APBA1: variants seen among roughly 807,000 people sequenced by gnomAD.
APBA1 encodes amyloid-beta A4 precursor protein-binding family A member 1.
Under a neutral mutation model 86.6 loss-of-function variants are expected in APBA1, and 55 were observed. That is an observed-to-expected ratio of 0.64 (90% confidence interval 0.51 to 0.80). APBA1 has a LOEUF of 0.80. Ranked by LOEUF, APBA1 falls within the 30% of genes least tolerant of loss-of-function variation. APBA1 has a pLI of 0.00. For missense variants in APBA1, 1,090 were observed against 1,183.0 expected (o/e 0.92, Z 1.15); for synonymous variants, 511 against 493.9 (o/e 1.03, Z -0.46).
At chr9:69,631,435 C>G (rs573010736) in intron 1 of APBA1, among the ~76,000 whole-genome samples, 302 of 152,248 alleles carry the variant, frequency 2.0e-3, no homozygotes, top group South Asian at 4.2e-3. Context: ...TGGAGAAATA[C>G]GAACACTTTT....
In APBA1 at chr9:69,647,124, C is replaced by T. The variant is rs1823407423; in HGVS notation, c.-70+25029G>A. On this transcript the variant is annotated intron_variant, in intron 1 of 12. Transcript: ENST00000265381. ...TGCCTTAATAACAGCAATATAAAAC[C>T]TCGATTATCTAATAAAATATCCCAG... Among the ~76,000 whole-genome samples the T allele has an allele frequency of 1.3e-5, 2 of 152,142 alleles. 1 individual carries two copies. Among genetic ancestry groups the T allele is most frequent in the Non-Finnish European group, 2.9e-5 (2 of 68,034 alleles).
chr9:69,489,711 A>G (rs1390212456), intron 2 of APBA1, among the ~76,000 whole-genome samples: 1 of 152,126 alleles, frequency 6.6e-6, no homozygotes, highest in Non-Finnish European at 1.5e-5. Context: ...GCAGCCAAAA[A>G]ACACATGAAA....
At chr9:69,433,228 G>A (rs1834636142) in intron 11 of APBA1, among the ~76,000 whole-genome samples, 1 of 152,178 alleles carries the variant, frequency 6.6e-6, no homozygotes, top group South Asian at 2.1e-4. Context: ...CCACAGAAAA[G>A]ACAGTGAGGC....
At chr9:69,449,511 T>C in intron 10 of APBA1, 73 bp downstream of exon 10, 2 of 1,346,214 alleles carry the variant, frequency 1.5e-6, no homozygotes. Flanking sequence ...TATACATTAA[T>C]GACTGGATGG....
intron 1 of APBA1, among the ~76,000 whole-genome samples, chr9:69,531,031 TTATC>T (rs1414173948): frequency 2.6e-5 from 4 of 152,148 alleles, no homozygotes; most frequent in Admixed American, 2.6e-4. Flanking sequence ...TTTTAATATT[TTATC>T]TAATATATTC....
At position 69,467,971 on chromosome 9, in the gene APBA1, G is replaced by GT; in HGVS notation, c.1337-4dup. 1 of 1,613,886 alleles carries GT rather than the reference G, an allele frequency of 6.2e-7. No homozygotes were observed. Among genetic ancestry groups the GT allele is most frequent in the Admixed American group, 1.7e-5 (1 of 60,012 alleles). ...TTCGGGGTCGCAGGGTCCCGGAACT[G>GT]TAACACATAGAGCCACAGTGAGGAA... is the stretch of plus-strand genomic sequence containing the variant. On this transcript the variant is annotated splice_region_variant and splice_polypyrimidine_tract_variant and intron_variant, in intron 4 of 12. Transcript: ENST00000265381.
At chr9:69,581,925 C>T (rs1375603158) in intron 1 of APBA1, among the ~76,000 whole-genome samples, 1 of 152,050 alleles carries the variant, frequency 6.6e-6, no homozygotes, top group African/African-American at 2.4e-5. Flanking sequence ...GACCACAGCC[C>T]AGTATGGTCT....
intron 5 of APBA1, among the ~76,000 whole-genome samples, chr9:69,466,611 C>G (rs1835284499): frequency 6.6e-6 from 1 of 152,218 alleles, no homozygotes; most frequent in Non-Finnish European, 1.5e-5. Context: ...ATTCATACTG[C>G]TGAGCTTGAG....
At chr9:69,648,120 G>A (rs572205028) in intron 1 of APBA1, among the ~76,000 whole-genome samples, 1 of 152,304 alleles carries the variant, frequency 6.6e-6, no homozygotes, top group African/African-American at 2.4e-5. Context: ...AGGAAGTGAA[G>A]AGCGTGGTTA....
intron 1 of APBA1, among the ~76,000 whole-genome samples, chr9:69,575,434 T>C (rs1402233828): frequency 6.6e-6 from 1 of 152,138 alleles, no homozygotes; most frequent in Non-Finnish European, 1.5e-5. Context: ...GCTGGAGGCG[T>C]CACGCTACCT....
At chr9:69,500,616 C>T (rs1387521722) in intron 2 of APBA1, among the ~76,000 whole-genome samples, 1 of 152,062 alleles carries the variant, frequency 6.6e-6, no homozygotes, top group African/African-American at 2.4e-5. Context: ...GGTTAACTCA[C>T]GCAAGAAAAG....
At chr9:69,641,537 C>G (rs1823286565) in intron 1 of APBA1, among the ~76,000 whole-genome samples, 1 of 152,090 alleles carries the variant, frequency 6.6e-6, no homozygotes, top group Non-Finnish European at 1.5e-5. Flanking sequence ...GATATTAACA[C>G]AGGATAGACA....
At chr9:69,533,997 T>C (rs1836470467) in intron 1 of APBA1, among the ~76,000 whole-genome samples, 1 of 152,182 alleles carries the variant, frequency 6.6e-6, no homozygotes. Context: ...GACATCCAAT[T>C]ATAGAAGAAA....
At chr9:69,482,602 A>G (rs1215252029) in intron 2 of APBA1, among the ~76,000 whole-genome samples, 1 of 151,060 alleles carries the variant, frequency 6.6e-6, no homozygotes, top group Non-Finnish European at 1.5e-5. Flanking sequence ...ATACCATTTG[A>G]CCCAGCCATC....
At position 69,428,146 on chromosome 9, in the gene APBA1, A is replaced by AC. The variant is rs1834520679; in HGVS notation, c.*3180dup. 1 of 152,032 alleles carries AC rather than the reference A, an allele frequency of 6.6e-6. No homozygotes were observed. Among genetic ancestry groups the AC allele is most frequent in the South Asian group, 2.1e-4 (1 of 4,806 alleles). 9.4% of individuals were successfully genotyped at this position (152,032 alleles called of 1,614,324 possible). On this transcript the variant is annotated 3_prime_UTR_variant, in exon 13 of 13. Transcript: ENST00000265381. ...AACGGCTACACCACTGGGTCGAGGGACCCGGGAAGGGCTCTGTAGATGGTT... is the reference window on the plus strand; with the variant it reads ...AACGGCTACACCACTGGGTCGAGGGACCCCGGGAAGGGCTCTGTAGATGGTT...
intron 9 of APBA1, among the ~76,000 whole-genome samples, chr9:69,451,218 AG>A (rs1379548206): frequency 6.6e-6 from 1 of 152,134 alleles, no homozygotes; most frequent in African/African-American, 2.4e-5. Context: ...CTCATGTCCA[AG>A]GGACCACACC....
chr9:69,502,412 TTTG>T (rs983968391), intron 2 of APBA1, among the ~76,000 whole-genome samples: 4 of 152,084 alleles, frequency 2.6e-5, no homozygotes, highest in Non-Finnish European at 4.4e-5. Context: ...CCCATCTCTT[TTTG>T]TTTTTTTTTC....
chr9:69,655,305 C>T (rs1055090625), intron 1 of APBA1, among the ~76,000 whole-genome samples: 5 of 151,774 alleles, frequency 3.3e-5, no homozygotes, highest in African/African-American at 9.7e-5. Context: ...CACATATATA[C>T]ACATATGTAT....
At chr9:69,466,867 T>C (rs956248247) in intron 5 of APBA1, among the ~76,000 whole-genome samples, 1 of 152,228 alleles carries the variant, frequency 6.6e-6, no homozygotes, top group African/African-American at 2.4e-5. Flanking sequence ...AGAATCCATT[T>C]TGACCAGTTG....
Sources: allele counts gnomAD v4.1 joint callset (sites outside exome capture counted in the v4.1 genomes callset), GRCh38; gene constraint gnomAD v4.1.1; transcripts MANE v1.5; gene names NCBI Gene and HGNC (gene_info 2026-07-23, HGNC 2026-07-21).